The following RTN1 variants were observed in gnomAD, a reference collection of about 807,000 sequenced individuals.
RTN1 encodes the protein reticulon-1.
In RTN1, 25 loss-of-function variants were observed where a neutral mutation model predicts 65.5. The ratio of observed to expected loss-of-function variants is 0.38; its 90% CI spans 0.28 to 0.53. RTN1 has a LOEUF of 0.53. RTN1 is among the 20% of genes least tolerant of loss of function. The pLI, the probability that RTN1 is intolerant of heterozygous loss-of-function variation, is 0.79. For missense variants in RTN1, 983 were observed against 1,025.4 expected (o/e 0.96, Z 0.57); for synonymous variants, 471 against 447.6 (o/e 1.05, Z -0.66).
chr14:59,721,297 G>A (rs1177816343), intron 3 of RTN1, among the ~76,000 whole-genome samples: 1 of 152,216 alleles, frequency 6.6e-6, no homozygotes, highest in Non-Finnish European at 1.5e-5. Context: ...TGGGTGAGCA[G>A]GCTGCAGAGG....
intron 2 of RTN1, among the ~76,000 whole-genome samples, chr14:59,743,988 A>T (rs1215709918): frequency 6.6e-6 from 1 of 152,206 alleles, no homozygotes; most frequent in Non-Finnish European, 1.5e-5. Context: ...TGTTGCGTGA[A>T]TGAGTAAATT....
intron 1 of RTN1, among the ~76,000 whole-genome samples, chr14:59,769,138 TA>T (rs1428970757): frequency 2.0e-5 from 3 of 152,192 alleles, no homozygotes; most frequent in Non-Finnish European, 4.4e-5. Context: ...GCTTGATTTT[TA>T]AAAAAGTGTT....
rs200565058 is a variant in RTN1, at chr14:59,727,561, G to C, written c.1123C>G (p.Arg375Gly). 6.2e-7 allele frequency: 1 copy of C among 1,611,814 alleles called. No individual in the cohort carries two copies. The highest frequency in any genetic ancestry group is 8.5e-7 in the Non-Finnish European group (1 of 1,179,448). ...CTGTCGGCCAGCTGGCCCACCGGCC[G>C]TGGGTTCTCGGCGGTTTCATACGAT... Reference protein sequence around the residue: ...GLSYETAENPRPVGQLADRPE... With the variant: ...GLSYETAENPGPVGQLADRPE... The change falls in exon 3 of 9, where the codon CGG becomes GGG. Residue 375 changes from arginine to glycine, a missense_variant. Arg to Gly is a moderately radical substitution (Grantham distance 125). Coordinates refer to ENST00000267484, the MANE Select transcript of RTN1 (RefSeq NM_021136.3). The surrounding 1 kb of genome is among the most constrained non-coding windows in gnomAD (Gnocchi z 4.2).
At chr14:59,645,806 G>C (rs1882882815) in intron 3 of RTN1, among the ~76,000 whole-genome samples, 1 of 152,184 alleles carries the variant, frequency 6.6e-6, no homozygotes, top group Non-Finnish European at 1.5e-5. Flanking sequence ...CTCTGCCCCT[G>C]CCTGACCGCT....
intron 2 of RTN1, among the ~76,000 whole-genome samples, chr14:59,738,912 T>C (rs1258591079): frequency 6.6e-6 from 1 of 151,952 alleles, no homozygotes; most frequent in Non-Finnish European, 1.5e-5. Context: ...GAAAACCAAA[T>C]ACCACACGTT....
chr14:59,642,335 A>C (rs1446086301), intron 3 of RTN1, among the ~76,000 whole-genome samples: 2 of 152,108 alleles, frequency 1.3e-5, no homozygotes, highest in African/African-American at 4.8e-5. Context: ...TGAGCTTCTT[A>C]AATCTGTGGA....
At chr14:59,672,224 A>G (rs1566680416) in intron 3 of RTN1, among the ~76,000 whole-genome samples, 1 of 152,156 alleles carries the variant, frequency 6.6e-6, no homozygotes, top group Non-Finnish European at 1.5e-5. Flanking sequence ...CACAACACAT[A>G]TGTAAATAGC....
At chr14:59,635,393 T>C (rs1282318019) in intron 3 of RTN1, among the ~76,000 whole-genome samples, 2 of 152,022 alleles carry the variant, frequency 1.3e-5, no homozygotes, top group Non-Finnish European at 2.9e-5. Context: ...GGTGACACTT[T>C]AGGAAGAAAA....
chr14:59,800,069 G>GAT (rs1230658910), intron 1 of RTN1, among the ~76,000 whole-genome samples: 1 of 152,192 alleles, frequency 6.6e-6, no homozygotes, highest in African/African-American at 2.4e-5. Context: ...CCGTGGCACA[G>GAT]ATATACAGAG....
chr14:59,796,454 C>T (rs989784950), intron 1 of RTN1, among the ~76,000 whole-genome samples: 2 of 152,180 alleles, frequency 1.3e-5, no homozygotes, highest in East Asian at 3.8e-4. Flanking sequence ...TTAAAACCTT[C>T]AGTGACTCCA....
rs371153876 is a variant in RTN1 at position 59,596,725 on chromosome 14, G to C, written c.*20C>G. Reference sequence around the variant, plus strand: ...CTCCAGACATTCCTGTTTGTGTCCAGTCCCCGGTGGGAAATCAGTTTACTC... The same window carrying C: ...CTCCAGACATTCCTGTTTGTGTCCACTCCCCGGTGGGAAATCAGTTTACTC... On this transcript the variant is annotated 3_prime_UTR_variant, in exon 9 of 9. Coordinates refer to ENST00000267484, the MANE Select transcript of RTN1 (RefSeq NM_021136.3). The C allele has an allele frequency of 2.2e-4, 354 of 1,594,746 alleles. No homozygotes were observed. Among genetic ancestry groups the C allele is most frequent in the Non-Finnish European group, 2.8e-4 (330 of 1,162,540 alleles).
In RTN1 at chr14:59,825,140, C is replaced by A. The variant is rs903210700; in HGVS notation, c.241+45250G>T. ...ACTTGTTCTAGAGAGCTGTCCTGTG[C>A]ATTGTAGAATCTTTACCAACATCCC... On this transcript the variant is annotated intron_variant, in intron 1 of 8. Coordinates refer to ENST00000267484, the MANE Select transcript of RTN1 (RefSeq NM_021136.3). This position sits in a 1 kb window ranked among gnomAD's most constrained non-coding sequence, Gnocchi z 4.2. 4.6e-5 allele frequency among the ~76,000 whole-genome samples: 7 copies of A among 152,244 alleles called. No homozygotes were observed. The highest frequency in any genetic ancestry group is 3.9e-4 in the Admixed American group (6 of 15,288).
chr14:59,788,215 T>C (rs1886287097), intron 1 of RTN1, among the ~76,000 whole-genome samples: 2 of 152,218 alleles, frequency 1.3e-5, no homozygotes, highest in South Asian at 4.1e-4. Flanking sequence ...TGCAAGTTTA[T>C]CAAGAAGGCA....
chr14:59,809,564 G>C lies in RTN1; in HGVS notation c.241+60826C>G, dbSNP rs536236421. 3.3e-5 allele frequency among the ~76,000 whole-genome samples: 5 copies of C among 152,258 alleles called. No homozygotes were observed. The South Asian group carries it at 1.0e-3, about 32-fold the overall frequency. On this transcript the variant is annotated intron_variant, in intron 1 of 8. Transcript: ENST00000267484. The stretch of plus-strand genomic sequence containing the variant: ...CATAATTATACAAATTAATGGCTCA[G>C]TGAAATATAAAGGTAAATAGAAGGC...
chr14:59,770,774 G>A (rs1885940969), intron 1 of RTN1, among the ~76,000 whole-genome samples: 1 of 152,122 alleles, frequency 6.6e-6, no homozygotes, highest in African/African-American at 2.4e-5. Flanking sequence ...AATTCTGTTG[G>A]CCGGGCGCAA....
intron 3 of RTN1, among the ~76,000 whole-genome samples, chr14:59,726,509 G>C (rs943010255): frequency 1.4e-4 from 22 of 152,170 alleles, no homozygotes; most frequent in Admixed American, 1.2e-3. Flanking sequence ...CATGCTAGTG[G>C]TGGGTTCCAG....
intron 1 of RTN1, among the ~76,000 whole-genome samples, chr14:59,797,041 C>T (rs567928884): frequency 4.1e-4 from 62 of 152,236 alleles, no homozygotes; most frequent in African/African-American, 1.5e-3. Context: ...AGTCAAATTC[C>T]AAGTGGATCA....
At chr14:59,633,949 A>G (rs1882608520) in intron 3 of RTN1, among the ~76,000 whole-genome samples, 1 of 152,182 alleles carries the variant, frequency 6.6e-6, no homozygotes, top group Non-Finnish European at 1.5e-5. Flanking sequence ...TATTCAACAA[A>G]TATTTATTGA....
At chr14:59,633,490 C>T (rs1014384765) in intron 3 of RTN1, among the ~76,000 whole-genome samples, 3 of 152,164 alleles carry the variant, frequency 2.0e-5, no homozygotes, top group Non-Finnish European at 4.4e-5. Flanking sequence ...CCATAAACAT[C>T]GTAAATGGGT....
Sources: allele counts gnomAD v4.1 joint callset (sites outside exome capture counted in the v4.1 genomes callset), GRCh38; gene constraint gnomAD v4.1.1; non-coding constraint Gnocchi (gnomAD v3.1); transcripts MANE v1.5; gene names NCBI Gene and HGNC (gene_info 2026-07-23, HGNC 2026-07-21).